The following NAV1 variants were observed in gnomAD, a reference collection of about 807,000 sequenced individuals.
NAV1 encodes the protein neuron navigator 1, also known as pore membrane and/or filament interacting like protein 3.
Under a neutral mutation model 175.2 loss-of-function variants are expected in NAV1, and 18 were observed. That is an observed-to-expected ratio of 0.10 (90% confidence interval 0.07 to 0.15). The LOEUF (loss-of-function observed/expected upper bound fraction) is 0.15, where lower values mean the gene tolerates loss of function less well. Ranked by LOEUF, NAV1 falls within the 10% of genes least tolerant of loss-of-function variation. The pLI, the probability that NAV1 is intolerant of heterozygous loss-of-function variation, is 1.00. For missense variants in NAV1, 1,731 were observed against 2,436.6 expected, an observed-to-expected ratio of 0.71 and a Z score of 6.10; for synonymous variants, 897 against 978.7, an observed-to-expected ratio of 0.92 and a Z score of 1.56.
intron 2 of NAV1, among the ~76,000 whole-genome samples, chr1:201,713,906 T>C (rs1163328860): frequency 6.6e-6 from 1 of 152,200 alleles, no homozygotes; most frequent in East Asian, 1.9e-4. Context: ...CATGGACATA[T>C]TTACATACCA....
chr1:201,678,415 C>G (rs566333427), intron 1 of NAV1, among the ~76,000 whole-genome samples: 1 of 152,250 alleles, frequency 6.6e-6, no homozygotes, highest in East Asian at 1.9e-4. Flanking sequence ...AGTCTTTACT[C>G]CAACTCTTTG....
At chr1:201,572,515 C>T (rs1253580392) in intron 1 of NAV1, among the ~76,000 whole-genome samples, 5 of 151,814 alleles carry the variant, frequency 3.3e-5, no homozygotes, top group East Asian at 1.9e-4. Context: ...ACTACAGGCA[C>T]GCACCACCAT....
At chr1:201,744,084 A>G (rs12081246) in intron 3 of NAV1, among the ~76,000 whole-genome samples, 21,038 of 152,170 alleles carry the variant, frequency 0.14, 1,869 homozygotes, top group East Asian at 0.36. Context: ...GGGTATCTCT[A>G]TGTTGGTCAG....
chr1:201,785,069 A>T (rs1251691580), intron 7 of NAV1, among the ~76,000 whole-genome samples: 1 of 152,216 alleles, frequency 6.6e-6, no homozygotes, highest in Admixed American at 6.5e-5. Context: ...CGCCCGGCCT[A>T]ACCATGACTT....
At position 201,810,791 on chromosome 1, in the gene NAV1, G is replaced by T. The variant is rs763585239; in HGVS notation, c.4797+33G>T. ...CCCCCCGACACCCCTGCCAGCCTTTGTTCATGCCTCAGCCTTCCCTAAGAC... is the reference window on the plus strand; with the variant it reads ...CCCCCCGACACCCCTGCCAGCCTTTTTTCATGCCTCAGCCTTCCCTAAGAC... On this transcript the variant is annotated intron_variant, in intron 24 of 29. Coordinates refer to ENST00000367296, the Ensembl canonical transcript of NAV1. This position sits in a 1 kb window ranked among gnomAD's most constrained non-coding sequence, Gnocchi z 6.0. 2 of 1,564,306 alleles carry T rather than the reference G, an allele frequency of 1.3e-6. No individual in the cohort carries two copies. Among genetic ancestry groups the T allele is most frequent in the South Asian group, 1.1e-5 (1 of 88,802 alleles).
chr1:201,808,137 C>T lies in NAV1; in HGVS notation c.3833C>T (p.Thr1278Ile). Reference sequence around the variant, plus strand: ...TCCTCCACCTCGTCCTCCGTGGGCACTGATGTCACCGAGTAAGTGCTCTTT... The same window carrying T: ...TCCTCCACCTCGTCCTCCGTGGGCATTGATGTCACCGAGTAAGTGCTCTTT... Residue 1278 changes from threonine (T) to isoleucine (I), a missense_variant, in exon 18 of 30, where the codon ACT (threonine) becomes ATT (isoleucine). By Grantham distance (89) the Thr-to-Ile change is moderately conservative. Coordinates refer to ENST00000367296, the Ensembl canonical transcript of NAV1. The surrounding 1 kb of genome is among the most constrained non-coding windows in gnomAD (Gnocchi z 5.5). 1.2e-6 allele frequency: 2 copies of T among 1,614,202 alleles called. No homozygotes were observed. Among genetic ancestry groups the T allele is most frequent in the East Asian group, 2.2e-5 (1 of 44,884 alleles).
intron 1 of NAV1, among the ~76,000 whole-genome samples, chr1:201,567,453 A>G (rs73082587): frequency 0.067 from 10,271 of 152,272 alleles, 521 homozygotes; most frequent in African/African-American, 0.15. Context: ...AGTCTGCACA[A>G]CACCCAGCTG....
intron 3 of NAV1, among the ~76,000 whole-genome samples, chr1:201,773,297 C>T (rs1336416312): frequency 6.6e-6 from 1 of 152,214 alleles, no homozygotes; most frequent in Non-Finnish European, 1.5e-5. Flanking sequence ...AATCCTCCCT[C>T]CTCAGCCTCC....
intron 1 of NAV1, among the ~76,000 whole-genome samples, chr1:201,693,093 GA>G (rs1226842572): frequency 6.6e-6 from 1 of 152,178 alleles, no homozygotes; most frequent in East Asian, 1.9e-4. Flanking sequence ...GTGGGTGGAG[GA>G]GGTGCCATCT....
intron 2 of NAV1, among the ~76,000 whole-genome samples, chr1:201,590,722 G>A (rs1216551328): frequency 6.6e-6 from 1 of 152,234 alleles, no homozygotes; most frequent in Admixed American, 6.5e-5. Context: ...CCAGTGGGCT[G>A]GCTTAGCCGA....
chr1:201,682,717 G>GAA lies in NAV1; in HGVS notation c.758-30089_758-30088dup, dbSNP rs893322007. On this transcript the variant is annotated intron_variant, in intron 1 of 29. Coordinates refer to ENST00000367296, the Ensembl canonical transcript of NAV1. ...TTTATTTTCATTACATGCAAGGTTG[G>GAA]AAAAAAAAAAAAGTAATGTGTAAGT... Among the ~76,000 whole-genome samples the GAA allele has an allele frequency of 3.5e-5, 5 of 144,232 alleles. 1 individual carries two copies. In the South Asian group the frequency reaches 1.1e-3, roughly 32 times the overall value. The allele number at this position is 144,232 out of a possible 152,430, so 94.6% of individuals were successfully genotyped here. A position where few individuals can be genotyped will look rare whatever the true frequency, so the allele number is the denominator to read the frequency against.
chr1:201,664,137 T>C (rs1233215500), intron 1 of NAV1, among the ~76,000 whole-genome samples: 1 of 152,108 alleles, frequency 6.6e-6, no homozygotes, highest in East Asian at 1.9e-4. Context: ...CTGATTCTGT[T>C]TGAGACCAGC....
chr1:201,599,497 G>T (rs925573299), intron 2 of NAV1, among the ~76,000 whole-genome samples: 2 of 152,178 alleles, frequency 1.3e-5, no homozygotes, highest in African/African-American at 4.8e-5. Context: ...ATTTGTTAAG[G>T]GTTTCATGAG....
chr1:201,739,805 G>A, intron 3 of NAV1: 1 of 1,228,604 alleles, frequency 8.1e-7, no homozygotes, highest in Non-Finnish European at 1.0e-6. Flanking sequence ...AGTCAGCGGC[G>A]GGGAAATGGG....
At chr1:201,821,543 C>CACAT (rs1679378496) in exon 30 of NAV1, 1 of 142,342 alleles carries the variant, frequency 7.0e-6, no homozygotes, top group African/African-American at 2.5e-5. Context: ...CACACACACA[C>CACAT]ACACACACAA....
At chr1:201,677,514 C>T (rs1468863262) in intron 1 of NAV1, among the ~76,000 whole-genome samples, 2 of 152,150 alleles carry the variant, frequency 1.3e-5, no homozygotes, top group Admixed American at 6.5e-5. Context: ...ATGCATCTGA[C>T]TGCTTGCTCC....
At chr1:201,775,560 C>G (rs1374750335) in intron 3 of NAV1, among the ~76,000 whole-genome samples, 1 of 152,146 alleles carries the variant, frequency 6.6e-6, no homozygotes, top group Non-Finnish European at 1.5e-5. Context: ...CATCACACAT[C>G]TCAGAAGGTC....
intron 1 of NAV1, among the ~76,000 whole-genome samples, chr1:201,568,888 G>A (rs1196832214): frequency 1.4e-5 from 2 of 146,788 alleles, no homozygotes; most frequent in African/African-American, 2.7e-5. Flanking sequence ...AAGTTTGCGG[G>A]GGTCCTCTAG....
chr1:201,627,667 G>T (rs979894728), intron 1 of NAV1, among the ~76,000 whole-genome samples: 2 of 152,064 alleles, frequency 1.3e-5, no homozygotes, highest in Non-Finnish European at 2.9e-5. Flanking sequence ...GTTAATCAAT[G>T]AAACAGTTGA....
Sources: allele counts gnomAD v4.1 joint callset (sites outside exome capture counted in the v4.1 genomes callset), GRCh38; gene constraint gnomAD v4.1.1; non-coding constraint Gnocchi (gnomAD v3.1); transcripts MANE v1.5; gene names NCBI Gene and HGNC (gene_info 2026-07-23, HGNC 2026-07-21).